TNPO3: variants seen among roughly 807,000 people sequenced by gnomAD.
TNPO3 encodes transportin 3, also known as transportin-3.
TNPO3 carries 65 observed loss-of-function variants against 122.8 expected under a neutral mutation model. That is an observed-to-expected ratio of 0.53 (90% CI 0.43 to 0.65). The LOEUF (loss-of-function observed/expected upper bound fraction) is 0.65, where lower values mean the gene tolerates loss of function less well. TNPO3 is among the 30% of genes least tolerant of loss of function. The pLI is 0.00. For missense variants in TNPO3, 850 were observed against 1,136.7 expected (o/e 0.75, Z 3.63); for synonymous variants, 372 against 411.2 (o/e 0.90, Z 1.15).
chr7:129,019,678 C>T (rs1461441291), intron 1 of TNPO3, among the ~76,000 whole-genome samples: 2 of 152,004 alleles, frequency 1.3e-5, no homozygotes, highest in Non-Finnish European at 2.9e-5. Flanking sequence ...GCAAGACCCC[C>T]GTGCCTCTAC....
At chr7:129,016,891 A>G (rs1365921144) in intron 3 of TNPO3, 92 bp downstream of exon 3, 7 of 1,053,402 alleles carry the variant, frequency 6.6e-6, no homozygotes, top group Middle Eastern at 4.1e-4. Context: ...GTTCAGGGAA[A>G]TAGTCAAATA....
intron 14 of TNPO3, among the ~76,000 whole-genome samples, chr7:128,980,721 A>G (rs1252002423): frequency 6.6e-6 from 1 of 152,168 alleles, no homozygotes; most frequent in Non-Finnish European, 1.5e-5. Flanking sequence ...CAAAAACAAC[A>G]ACAACAACAA....
Position 129,021,223 on chromosome 7 carries a change from C to T in TNPO3, c.121-3066G>A, listed in dbSNP as rs199535093. ...TACAAAAATTAGCTGGGCATGTTGG[C>T]GGGTGCCTGTAATCCCAGCTACTCG... On this transcript the variant is annotated intron_variant, in intron 1 of 22. Coordinates refer to ENST00000265388, the MANE Select transcript of TNPO3 (RefSeq NM_012470.4). 1.2e-4 allele frequency among the ~76,000 whole-genome samples: 19 copies of T among 152,048 alleles called. No individual in the cohort carries two copies. The East Asian group carries it at 2.7e-3, about 22-fold the overall frequency.
At chr7:129,009,097 CCA>C (rs1413723520) in intron 4 of TNPO3, among the ~76,000 whole-genome samples, 2 of 152,104 alleles carry the variant, frequency 1.3e-5, no homozygotes, top group Non-Finnish European at 1.5e-5. Context: ...AAGATAAATG[CCA>C]CAGAGTCCAG....
At chr7:129,005,494 G>A (rs1275110636) in intron 4 of TNPO3, among the ~76,000 whole-genome samples, 1 of 152,092 alleles carries the variant, frequency 6.6e-6, no homozygotes, top group African/African-American at 2.4e-5. Flanking sequence ...GTTAGAGGAG[G>A]GTTCTGGTGG....
chr7:128,967,739 A>AACACAC (rs35430377), intron 20 of TNPO3, among the ~76,000 whole-genome samples: 175 of 148,408 alleles, frequency 1.2e-3, no homozygotes, highest in Non-Finnish European at 1.2e-3. Flanking sequence ...TGCGAACATG[A>AACACAC]ACACACACAC....
chr7:129,005,303 TG>T, intron 4 of TNPO3, 144 bp from the exon 5 acceptor site: 2 of 734,546 alleles, frequency 2.7e-6, no homozygotes, highest in South Asian at 2.2e-5. Flanking sequence ...TAAGTGTCAC[TG>T]TTTTTTTTTT....
intron 1 of TNPO3, among the ~76,000 whole-genome samples, chr7:129,024,759 C>T (rs1195070445): frequency 2.6e-5 from 4 of 152,142 alleles, no homozygotes; most frequent in South Asian, 2.1e-4. Context: ...TGTGGTGGCT[C>T]ACACCTGTAG....
At chr7:128,998,915 G>A (rs893702151) in intron 7 of TNPO3, among the ~76,000 whole-genome samples, 2 of 151,754 alleles carry the variant, frequency 1.3e-5, no homozygotes, top group Non-Finnish European at 2.9e-5. Flanking sequence ...GTACAGTGGT[G>A]TGATCTTGGC....
rs1584601050 is a variant in TNPO3, at chr7:129,054,681, G to A, written c.90C>T (p.Ala30=). The change falls in exon 1 of 23, where the codon GCC becomes GCT. Residue 30 remains alanine, a synonymous_variant. Coordinates refer to ENST00000265388, the MANE Select transcript of TNPO3 (RefSeq NM_012470.4). The part of the protein sequence containing the change: ...HDPDPSGKER[A]SFWLGELQRS... ...GCTGCAGCTCCCCAAGCCAAAAAGA[G>A]GCGCGCTCCTTTCCGCTGGGATCTG... is the stretch of plus-strand genomic sequence containing the variant. 2 of 1,614,172 alleles carry A rather than the reference G, an allele frequency of 1.2e-6. No homozygotes were observed. The highest frequency in any genetic ancestry group is 1.3e-5 in the African/African-American group (1 of 75,064).
rs150578063 is a variant in TNPO3 at position 128,976,218 on chromosome 7, C to G, written c.2062-283G>C. 1.2e-3 allele frequency among the ~76,000 whole-genome samples: 182 copies of G among 152,256 alleles called. 2 individuals are homozygous for G. In the East Asian group the frequency reaches 0.029, roughly 24 times the overall value. ...GGGAACTCATGGATTATTTGCAAAACCCCAGCACAGAATATTTCATCCAGT... is the reference window on the plus strand; with the variant it reads ...GGGAACTCATGGATTATTTGCAAAAGCCCAGCACAGAATATTTCATCCAGT... On this transcript the variant is annotated intron_variant, in intron 16 of 22. Coordinates refer to ENST00000265388, the MANE Select transcript of TNPO3 (RefSeq NM_012470.4).
intron 1 of TNPO3, among the ~76,000 whole-genome samples, chr7:129,026,716 T>G: frequency 6.6e-6 from 1 of 152,132 alleles, no homozygotes; most frequent in East Asian, 1.9e-4. Flanking sequence ...TTGAATATTT[T>G]TAAAGTGTCT....
intron 19 of TNPO3, 84 bp from the exon 20 acceptor site, chr7:128,970,399 C>T (rs1266040960): frequency 1.2e-5 from 17 of 1,362,886 alleles, no homozygotes; most frequent in Non-Finnish European, 1.7e-5. Flanking sequence ...TTAGTAATTT[C>T]TCTTTAATAG....
intron 11 of TNPO3, among the ~76,000 whole-genome samples, chr7:128,988,166 G>A (rs1437547180): frequency 1.3e-5 from 2 of 151,638 alleles, no homozygotes; most frequent in South Asian, 2.1e-4. Context: ...TAGTAGAGAC[G>A]AGGTTTCGCC....
chr7:128,977,274 T>C (rs1461497274), intron 16 of TNPO3, among the ~76,000 whole-genome samples: 3 of 152,216 alleles, frequency 2.0e-5, no homozygotes, highest in Middle Eastern at 3.2e-3. Flanking sequence ...ATCAAAGTCA[T>C]GAGGGTATCC....
chr7:129,039,630 A>T (rs1807122803), intron 1 of TNPO3, among the ~76,000 whole-genome samples: 1 of 152,348 alleles, frequency 6.6e-6, no homozygotes, highest in African/African-American at 2.4e-5. Flanking sequence ...TGAATGCATT[A>T]TAGCACTATT....
intron 18 of TNPO3, 99 bp downstream of exon 18, chr7:128,974,769 G>T (rs1207443382): frequency 1.0e-6 from 1 of 979,104 alleles, no homozygotes; most frequent in Non-Finnish European, 1.6e-6. Flanking sequence ...TTACTCCAGT[G>T]ACTTCATTTT....
chr7:128,975,554 C>G (rs1052645320), intron 17 of TNPO3, among the ~76,000 whole-genome samples: 1 of 152,154 alleles, frequency 6.6e-6, no homozygotes. Flanking sequence ...CCTCCTCCCC[C>G]CTCCAAACAC....
chr7:128,958,812 ATCC>A (rs1797160737), intron 21 of TNPO3, among the ~76,000 whole-genome samples: 1 of 152,108 alleles, frequency 6.6e-6, no homozygotes, highest in Non-Finnish European at 1.5e-5. Context: ...CATGCTTGTA[ATCC>A]CAACACAGGG....
Sources: gnomAD v4.1 joint callset for allele counts (sites outside exome capture counted in the v4.1 genomes callset) on GRCh38, gnomAD v4.1.1 for gene constraint, MANE v1.5 for transcripts, NCBI Gene and HGNC (gene_info 2026-07-23, HGNC 2026-07-21) for gene names.